Variants in SH3PXD2A observed in about 807,000 individuals in gnomAD.
The protein encoded by SH3PXD2A is SH3 and PX domains 2A.
In SH3PXD2A, 32 loss-of-function variants were observed where a neutral mutation model predicts 115.2. The ratio of observed to expected loss-of-function variants is 0.28; its 90% CI spans 0.21 to 0.37. The LOEUF (loss-of-function observed/expected upper bound fraction) is 0.37. Among genes scored for constraint, SH3PXD2A ranks in the 10% least tolerant of loss-of-function variants. The probability of loss-of-function intolerance (pLI) is 1.00; values close to 1 mark genes in which losing one functional copy is unlikely to be tolerated. For missense variants in SH3PXD2A, 1,328 were observed against 1,498.7 expected, an observed-to-expected ratio of 0.89 and a Z score of 1.88; for synonymous variants, 610 against 629.1, an observed-to-expected ratio of 0.97 and a Z score of 0.45.
Position 103,617,219 on chromosome 10 carries a change from GA to G in SH3PXD2A, c.897del (p.Leu300TrpfsTer21). ...KGVTVEVIRK[N>X]LEGWWYIRYL... ...TACCTGATATACCACCAGCCTTCCA[GA>G]TTCTTCCGGATCACCTCCACTGTGA... On this transcript the variant is annotated frameshift_variant, in exon 11 of 15. Transcript: ENST00000369774. LOFTEE classifies it high-confidence loss of function. 1 of 1,613,650 alleles carries G rather than the reference GA, an allele frequency of 6.2e-7. No individual in the cohort carries two copies. Among genetic ancestry groups the G allele is most frequent in the African/African-American group, 1.3e-5 (1 of 75,068 alleles).
intron 3 of SH3PXD2A, among the ~76,000 whole-genome samples, chr10:103,743,001 G>T (rs1294163482): frequency 2.0e-5 from 3 of 152,132 alleles, no homozygotes; most frequent in Non-Finnish European, 1.5e-5. Flanking sequence ...CACAGGCAAT[G>T]CATGTGGGAG....
intron 2 of SH3PXD2A, among the ~76,000 whole-genome samples, chr10:103,780,486 C>A (rs1017851464): frequency 3.9e-5 from 6 of 152,204 alleles, no homozygotes; most frequent in Admixed American, 3.9e-4. Flanking sequence ...TAATATGGAG[C>A]CCTGGGGCTG....
intron 12 of SH3PXD2A, among the ~76,000 whole-genome samples, chr10:103,612,161 T>C (rs1413892253): frequency 2.0e-5 from 3 of 152,224 alleles, no homozygotes; most frequent in East Asian, 1.9e-4. Flanking sequence ...GCTAGGTTCC[T>C]ATAACATGGA....
rs190095801 is a variant in SH3PXD2A at position 103,682,414 on chromosome 10, T to A, written c.427+10614A>T. ...ATTAGATGGCTTTGAACTCCAAGGG[T>A]AAAATCAGGCTGAGGACCCAGAGCC... On this transcript the variant is annotated intron_variant, in intron 6 of 14. Transcript: ENST00000369774. Among the ~76,000 whole-genome samples the A allele has an allele frequency of 3.9e-5, 6 of 152,200 alleles. No individual in the cohort carries two copies. In the East Asian group the frequency reaches 1.2e-3, roughly 29 times the overall value.
intron 6 of SH3PXD2A, among the ~76,000 whole-genome samples, chr10:103,679,201 T>G (rs2037579088): frequency 1.3e-5 from 2 of 152,246 alleles, no homozygotes; most frequent in South Asian, 4.1e-4. Flanking sequence ...GTTTTAAAAC[T>G]GCTGTTTCCT....
Position 103,735,820 on chromosome 10 carries a change from A to G in SH3PXD2A, c.230-12T>C, listed in dbSNP as rs1012471104. ...GAAGAGGATCTTGCCTGGAAGAGAGATGCTCATGAGTGGGGGATTCTGGCT... is the reference window on the plus strand; with the variant it reads ...GAAGAGGATCTTGCCTGGAAGAGAGGTGCTCATGAGTGGGGGATTCTGGCT... On this transcript the variant is annotated splice_polypyrimidine_tract_variant and intron_variant, in intron 3 of 14. Transcript: ENST00000369774. 6.2e-7 allele frequency: 1 copy of G among 1,611,582 alleles called. No individual in the cohort carries two copies. Among genetic ancestry groups the G allele is most frequent in the Non-Finnish European group, 8.5e-7 (1 of 1,177,786 alleles).
chr10:103,691,302 C>T (rs1318684018), intron 6 of SH3PXD2A, among the ~76,000 whole-genome samples: 2 of 152,144 alleles, frequency 1.3e-5, no homozygotes, highest in African/African-American at 4.8e-5. Flanking sequence ...ATACTTAATC[C>T]TCTATGTGTG....
At chr10:103,624,345 G>C (rs1349904287) in intron 9 of SH3PXD2A, among the ~76,000 whole-genome samples, 1 of 152,232 alleles carries the variant, frequency 6.6e-6, no homozygotes, top group Non-Finnish European at 1.5e-5. Flanking sequence ...GTCCATACTG[G>C]TAGATGTGGG....
intron 3 of SH3PXD2A, among the ~76,000 whole-genome samples, chr10:103,765,730 C>T (rs2038747224): frequency 6.6e-6 from 1 of 152,230 alleles, no homozygotes; most frequent in African/African-American, 2.4e-5. Flanking sequence ...GATGGGCTAC[C>T]AAACCCTGGC....
chr10:103,623,258 T>G (rs1162958360), intron 9 of SH3PXD2A, among the ~76,000 whole-genome samples: 93 of 148,508 alleles, frequency 6.3e-4, no homozygotes, highest in African/African-American at 2.3e-3. Context: ...TCGGGACATC[T>G]GATGACAGGG....
chr10:103,789,326 G>T (rs2039011476), intron 2 of SH3PXD2A, among the ~76,000 whole-genome samples: 1 of 152,188 alleles, frequency 6.6e-6, no homozygotes, highest in African/African-American at 2.4e-5. Flanking sequence ...CACCCGTTCT[G>T]TGCATTCCAC....
chr10:103,682,355 A>G (rs2037621814), intron 6 of SH3PXD2A, among the ~76,000 whole-genome samples: 2 of 152,254 alleles, frequency 1.3e-5, no homozygotes, highest in South Asian at 2.1e-4. Context: ...CTGGCCGCAG[A>G]GTTGCCAAAT....
chr10:103,662,290 T>C (rs1159127139), intron 7 of SH3PXD2A, among the ~76,000 whole-genome samples: 1 of 125,630 alleles, frequency 8.0e-6, no homozygotes, highest in African/African-American at 3.0e-5. Flanking sequence ...TGAGTGGCAC[T>C]GGATGCTGCT....
intron 1 of SH3PXD2A, among the ~76,000 whole-genome samples, chr10:103,835,458 C>T (rs1270644556): frequency 1.3e-5 from 2 of 152,198 alleles, no homozygotes; most frequent in African/African-American, 2.4e-5. Flanking sequence ...TAGCAGACAA[C>T]GATGGATCTG....
chr10:103,713,569 C>G (rs573335129), intron 5 of SH3PXD2A, among the ~76,000 whole-genome samples: 1 of 152,254 alleles, frequency 6.6e-6, no homozygotes, highest in African/African-American at 2.4e-5. Flanking sequence ...ATGCCCTCCT[C>G]TGCCACTCTC....
At chr10:103,810,820 A>C (rs913844003) in intron 1 of SH3PXD2A, among the ~76,000 whole-genome samples, 1 of 135,130 alleles carries the variant, frequency 7.4e-6, no homozygotes, top group African/African-American at 2.6e-5. Context: ...GGACACAGAC[A>C]TACACACAAC....
intron 4 of SH3PXD2A, among the ~76,000 whole-genome samples, chr10:103,727,388 G>A (rs1013761401): frequency 1.6e-4 from 25 of 152,324 alleles, no homozygotes; most frequent in African/African-American, 6.0e-4. Context: ...GGAGCAAGAG[G>A]GAGGGAGAGA....
chr10:103,619,246 C>T (rs186203576), intron 10 of SH3PXD2A, among the ~76,000 whole-genome samples: 105 of 152,302 alleles, frequency 6.9e-4, no homozygotes, highest in African/African-American at 2.4e-3. Context: ...AAGTTCAGGG[C>T]TCCACAGTCC....
chr10:103,843,768 C>A (rs368296859), intron 1 of SH3PXD2A, among the ~76,000 whole-genome samples: 1 of 152,162 alleles, frequency 6.6e-6, no homozygotes, highest in Non-Finnish European at 1.5e-5. Flanking sequence ...ATAAAGCCGT[C>A]GGGCTTTGTT....
Sources: allele counts gnomAD v4.1 joint callset (sites outside exome capture counted in the v4.1 genomes callset), GRCh38; gene constraint gnomAD v4.1.1; transcripts MANE v1.5; gene names NCBI Gene and HGNC (gene_info 2026-07-23, HGNC 2026-07-21).